Variants in CDC5L observed in about 807,000 individuals in gnomAD.
The protein encoded by CDC5L is cell division cycle 5 like.
Under a neutral mutation model 104.1 loss-of-function variants are expected in CDC5L, and 18 were observed. The observed-to-expected ratio is 0.17, with a 90% CI of 0.12 to 0.26. The LOEUF (loss-of-function observed/expected upper bound fraction) is 0.26, where lower values mean the gene tolerates loss of function less well. Ranked by LOEUF, CDC5L falls within the 10% of genes least tolerant of loss-of-function variation. The pLI, the probability that CDC5L is intolerant of heterozygous loss-of-function variation, is 1.00. For synonymous variants in CDC5L, 331 were observed against 322.7 expected (o/e 1.03, Z -0.28); for missense variants, 673 against 956.9 (o/e 0.70, Z 3.91).
chr6:44,419,326 A>AGCTTTCATT, intron 8 of CDC5L, 123 bp from the exon 9 acceptor site: 1 of 818,446 alleles, frequency 1.2e-6, no homozygotes, highest in Non-Finnish European at 2.0e-6. Flanking sequence ...TTTCTCTGTT[A>AGCTTTCATT]GCTTTCATTG....
intron 10 of CDC5L, among the ~76,000 whole-genome samples, chr6:44,423,672 C>T (rs1348871562): frequency 6.6e-6 from 1 of 152,114 alleles, no homozygotes; most frequent in Non-Finnish European, 1.5e-5. Context: ...TTCCTCACAC[C>T]TGGTACATGT....
At chr6:44,411,637 A>AGAGAGAGAGAGAGAGAGT in intron 8 of CDC5L, among the ~76,000 whole-genome samples, 1 of 123,640 alleles carries the variant, frequency 8.1e-6, no homozygotes, top group Non-Finnish European at 1.7e-5. Context: ...AGAGAGAGAG[A>AGAGAGAGAGAGAGAGAGT]GTGTGTGTGT....
chr6:44,446,954 T>G lies in CDC5L; in HGVS notation c.*243T>G, dbSNP rs1049108130. On this transcript the variant is annotated 3_prime_UTR_variant, in exon 16 of 16. Transcript: ENST00000371477. ...TTTAGTAATGTCATATTTGCAAACT[T>G]TTTTAGTTTTGGCCTTTAATTTAAA... The G allele has an allele frequency of 7.1e-6, 2 of 282,416 alleles. No homozygotes were observed. Among genetic ancestry groups the G allele is most frequent in the Non-Finnish European group, 1.3e-5 (2 of 153,430 alleles). The allele number at this position is 282,416 out of a possible 1,614,324, so 17.5% of individuals were successfully genotyped here.
intron 13 of CDC5L, among the ~76,000 whole-genome samples, chr6:44,427,175 T>G (rs184018889): frequency 9.8e-5 from 15 of 152,300 alleles, no homozygotes; most frequent in Admixed American, 3.9e-4. Flanking sequence ...CTGAATATAT[T>G]CCCCTCACAT....
At chr6:44,418,150 C>A (rs1791987525) in intron 8 of CDC5L, among the ~76,000 whole-genome samples, 1 of 152,096 alleles carries the variant, frequency 6.6e-6, no homozygotes, top group African/African-American at 2.4e-5. Context: ...CCCCTCTCCC[C>A]CCACCCTCCA....
rs1055550532 is a variant in CDC5L at position 44,449,169 on chromosome 6, A to G, written c.*2458A>G. On this transcript the variant is annotated 3_prime_UTR_variant, in exon 16 of 16. Coordinates refer to ENST00000371477, the MANE Select transcript of CDC5L (RefSeq NM_001253.4). The stretch of plus-strand genomic sequence containing the variant: ...GTTTTCAAAATTTGAAGTAATTCAC[A>G]TACTTATAGCCTAAAAAAATCGGCA... 3 of 147,082 alleles carry G rather than the reference A, an allele frequency of 2.0e-5. No homozygotes were observed. Among genetic ancestry groups the G allele is most frequent in the Non-Finnish European group, 4.4e-5 (3 of 67,528 alleles). The allele number at this position is 147,082 out of a possible 1,614,324, so 9.1% of individuals were successfully genotyped here. A position where few individuals can be genotyped will look rare whatever the true frequency, so the allele number is the denominator to read the frequency against.
intron 6 of CDC5L, among the ~76,000 whole-genome samples, chr6:44,405,904 T>C (rs1791342354): frequency 1.3e-5 from 2 of 152,068 alleles, no homozygotes; most frequent in South Asian, 4.2e-4. Context: ...TTTTTAGCTA[T>C]TTTCTTTTTT....
chr6:44,404,873 G>A (rs1162540788), intron 6 of CDC5L, among the ~76,000 whole-genome samples: 1 of 151,760 alleles, frequency 6.6e-6, no homozygotes, highest in African/African-American at 2.4e-5. Context: ...TTTATTTTTT[G>A]TAGAGAGGTG....
At chr6:44,411,635 A>AGTGTGTGTGTGT (rs372072520) in intron 8 of CDC5L, among the ~76,000 whole-genome samples, 1,440 of 121,302 alleles carry the variant, frequency 0.012, 12 homozygotes, top group African/African-American at 0.024. Context: ...AGAGAGAGAG[A>AGTGTGTGTGTGT]GAGTGTGTGT....
intron 8 of CDC5L, among the ~76,000 whole-genome samples, chr6:44,417,673 G>A (rs1043123113): frequency 2.6e-5 from 4 of 152,184 alleles, no homozygotes; most frequent in African/African-American, 9.7e-5. Context: ...TTACAGTGAA[G>A]GGACTAAAGA....
At chr6:44,410,936 A>T (rs1191901510) in intron 8 of CDC5L, among the ~76,000 whole-genome samples, 1 of 150,382 alleles carries the variant, frequency 6.6e-6, no homozygotes, top group African/African-American at 2.4e-5. Context: ...TCTCAATTTT[A>T]TCTTTATTCA....
chr6:44,426,064 G>A (rs1042070046), intron 11 of CDC5L, 39 bp from the exon 12 acceptor site: 4 of 1,351,680 alleles, frequency 3.0e-6, no homozygotes, highest in East Asian at 4.6e-5. Context: ...TATCAAATAC[G>A]CTATAGCTGC....
chr6:44,396,560 G>A, intron 5 of CDC5L, 120 bp downstream of exon 5: 1 of 625,908 alleles, frequency 1.6e-6, no homozygotes. Context: ...CCAGCAATCA[G>A]GCAATCAATT....
In CDC5L at chr6:44,387,945, G is replaced by GGC. The variant is rs1403755291; in HGVS notation, c.45+78_45+79insCG. 4.1e-6 allele frequency: 6 copies of GGC among 1,451,244 alleles called. No individual in the cohort carries two copies. In the East Asian group the frequency reaches 7.5e-5, roughly 18 times the overall value. 89.9% of individuals were successfully genotyped at this position (1,451,244 alleles called of 1,614,324 possible). A position where few individuals can be genotyped will look rare whatever the true frequency, so the allele number is the denominator to read the frequency against. On this transcript the variant is annotated intron_variant, in intron 1 of 15. Coordinates refer to ENST00000371477, the MANE Select transcript of CDC5L (RefSeq NM_001253.4). ...GTGCGCACGCGCGCGGAGGTCGGGG[G>GGC]GGCGACGAGGAGACCCTGTGGGGTC...
chr6:44,408,556 C>G lies in CDC5L; in HGVS notation c.1016C>G (p.Ser339Cys). Reference protein sequence around the residue: ...ITNSASSTLLSEYNVTNNSVA... With the variant: ...ITNSASSTLLCEYNVTNNSVA... ...AATTCTGCTTCCAGTACACTTTTGT[C>G]TGAGTACAATGTCACCAACAACAGC... The change falls in exon 8 of 16, where the codon TCT (serine) becomes TGT (cysteine). Residue 339 changes from serine (S) to cysteine (C), a missense_variant. Physicochemically the swap from Ser to Cys is moderately radical, Grantham distance 112. Transcript: ENST00000371477. 1 of 1,613,980 alleles carries G rather than the reference C, an allele frequency of 6.2e-7. No individual in the cohort carries two copies. The highest frequency in any genetic ancestry group is 8.5e-7 in the Non-Finnish European group (1 of 1,179,878).
rs560231922 is a variant in CDC5L at position 44,387,940 on chromosome 6, C to CGT, written c.45+73_45+74insTG. The CGT allele has an allele frequency of 4.7e-5, 69 of 1,464,584 alleles. 1 individual carries two copies. The East Asian group carries it at 4.8e-4, about 10-fold the overall frequency. 90.7% of individuals were successfully genotyped at this position (1,464,584 alleles called of 1,614,324 possible). On this transcript the variant is annotated intron_variant, in intron 1 of 15. Coordinates refer to ENST00000371477, the MANE Select transcript of CDC5L (RefSeq NM_001253.4). ...AGCTTGTGCGCACGCGCGCGGAGGT[C>CGT]GGGGGGGCGACGAGGAGACCCTGTG...
chr6:44,441,262 G>A (rs1793174805), intron 14 of CDC5L, among the ~76,000 whole-genome samples: 1 of 152,110 alleles, frequency 6.6e-6, no homozygotes, highest in South Asian at 2.1e-4. Context: ...TCTGTGCCTG[G>A]CTTATCATAG....
chr6:44,426,027 C>T, intron 11 of CDC5L, 76 bp from the exon 12 acceptor site: 5 of 960,466 alleles, frequency 5.2e-6, no homozygotes, highest in South Asian at 1.7e-5. Flanking sequence ...TCTTACATAC[C>T]AAAGTGTTTT....
intron 8 of CDC5L, 65 bp from the exon 9 acceptor site, chr6:44,419,384 C>A: frequency 2.0e-6 from 3 of 1,492,020 alleles, no homozygotes; most frequent in Non-Finnish European, 2.8e-6. Context: ...TATAGTAGGA[C>A]CAGAAGAGAT....
Sources: allele counts gnomAD v4.1 joint callset (sites outside exome capture counted in the v4.1 genomes callset), GRCh38; gene constraint gnomAD v4.1.1; transcripts MANE v1.5; gene names NCBI Gene and HGNC (gene_info 2026-07-23, HGNC 2026-07-21).